TMEM170B: variants seen among roughly 807,000 people sequenced by gnomAD.
The protein encoded by TMEM170B is transmembrane protein 170B.
Under a neutral mutation model 13.0 loss-of-function variants are expected in TMEM170B, and 6 were observed. The ratio of observed to expected loss-of-function variants is 0.46; its 90% confidence interval spans 0.25 to 0.91. TMEM170B has a LOEUF of 0.91. Ranked by LOEUF, TMEM170B falls within the 40% of genes least tolerant of loss-of-function variation. The probability of loss-of-function intolerance (pLI) is 0.17; values close to 1 mark genes in which losing one functional copy is unlikely to be tolerated. For synonymous variants in TMEM170B, 61 were observed against 64.9 expected (o/e 0.94, Z 0.29); for missense variants, 138 against 165.2 (o/e 0.84, Z 0.90).
chr6:11,547,003 A>G (rs200094129), intron 1 of TMEM170B, among the ~76,000 whole-genome samples: 2 of 152,214 alleles, frequency 1.3e-5, no homozygotes, highest in Non-Finnish European at 2.9e-5. Context: ...CTCGCTCTCA[A>G]AATATTGTAT....
At chr6:11,573,441 A>T (rs1460784803) in intron 2 of TMEM170B, among the ~76,000 whole-genome samples, 1 of 152,160 alleles carries the variant, frequency 6.6e-6, no homozygotes, top group Non-Finnish European at 1.5e-5. Context: ...ACATACTAGG[A>T]TCGTCCACTG....
rs1759978113 is a variant in TMEM170B, at chr6:11,582,939, A to G, written c.*7378A>G. The stretch of plus-strand genomic sequence containing the variant: ...AAGGATTATTTTAAAAACTATGTTT[A>G]TATATAATACCTAACAAGCTGTAAA... On this transcript the variant is annotated 3_prime_UTR_variant, in exon 3 of 3. Transcript: ENST00000379426. The G allele has an allele frequency of 6.6e-6, 1 of 152,192 alleles. No individual in the cohort carries two copies. The highest frequency in any genetic ancestry group is 2.4e-5 in the African/African-American group (1 of 41,462). 9.4% of individuals were successfully genotyped at this position (152,192 alleles called of 1,614,324 possible). A position where few individuals can be genotyped will look rare whatever the true frequency, so the allele number is the denominator to read the frequency against.
chr6:11,538,409 G>T, intron 1 of TMEM170B, 35 bp downstream of exon 1: 2 of 1,421,626 alleles, frequency 1.4e-6, no homozygotes, highest in Non-Finnish European at 9.4e-7. Flanking sequence ...ACGGGGATGC[G>T]GTCCGCCCCT....
At chr6:11,572,170 C>T (rs1349006392) in intron 2 of TMEM170B, among the ~76,000 whole-genome samples, 1 of 152,112 alleles carries the variant, frequency 6.6e-6, no homozygotes, top group Non-Finnish European at 1.5e-5. Flanking sequence ...ACCCGTGGGT[C>T]ATGGAGAAAC....
chr6:11,539,233 T>C (rs1759327278), intron 1 of TMEM170B, among the ~76,000 whole-genome samples: 1 of 152,188 alleles, frequency 6.6e-6, no homozygotes, highest in African/African-American at 2.4e-5. Context: ...TTCTCTGAAG[T>C]AGAATTTACG....
At chr6:11,571,303 A>C (rs1175103870) in intron 2 of TMEM170B, among the ~76,000 whole-genome samples, 1 of 151,726 alleles carries the variant, frequency 6.6e-6, no homozygotes, top group East Asian at 1.9e-4. Context: ...CTCCCAACTC[A>C]GCCTCCTGAG....
At chr6:11,559,020 T>C (rs1235606441) in intron 1 of TMEM170B, among the ~76,000 whole-genome samples, 1 of 152,126 alleles carries the variant, frequency 6.6e-6, no homozygotes, top group Non-Finnish European at 1.5e-5. Context: ...TTTGGCTTCA[T>C]GGGCCATATA....
chr6:11,560,601 G>GA (rs1582143354), intron 1 of TMEM170B, among the ~76,000 whole-genome samples: 2 of 131,322 alleles, frequency 1.5e-5, no homozygotes, highest in African/African-American at 2.7e-5. Flanking sequence ...AAAAAAAAAT[G>GA]AAAAACTAAT....
chr6:11,573,960 T>C (rs980503024), intron 2 of TMEM170B, among the ~76,000 whole-genome samples: 1 of 152,216 alleles, frequency 6.6e-6, no homozygotes, highest in Non-Finnish European at 1.5e-5. Flanking sequence ...ATGTTGGTGC[T>C]ACTAGGAGTT....
chr6:11,557,871 G>T (rs1430688758), intron 1 of TMEM170B, among the ~76,000 whole-genome samples: 1 of 151,988 alleles, frequency 6.6e-6, no homozygotes, highest in South Asian at 2.1e-4. Context: ...ATTTATCTTT[G>T]TACTCTTTAA....
At chr6:11,564,779 T>A (rs1759713789) in intron 1 of TMEM170B, among the ~76,000 whole-genome samples, 1 of 152,210 alleles carries the variant, frequency 6.6e-6, no homozygotes, top group Admixed American at 6.5e-5. Context: ...TTCACAAATC[T>A]TGAGCCTTTC....
rs565413773 is a variant in TMEM170B, at chr6:11,576,937, G to A, written c.*1376G>A. ...GGCAATACGTAATTGTAAGAGTATA[G>A]GAAGTAGGGTTGAACTGGTCTCCTA... is the stretch of plus-strand genomic sequence containing the variant. On this transcript the variant is annotated 3_prime_UTR_variant, in exon 3 of 3. Transcript: ENST00000379426. 3 of 152,230 alleles carry A rather than the reference G, an allele frequency of 2.0e-5. No homozygotes were observed. Among genetic ancestry groups the A allele is most frequent in the African/African-American group, 7.2e-5 (3 of 41,554 alleles). The allele number at this position is 152,230 out of a possible 1,614,324, so 9.4% of individuals were successfully genotyped here. A position where few individuals can be genotyped will look rare whatever the true frequency, so the allele number is the denominator to read the frequency against.
chr6:11,556,502 C>A (rs1759589567), intron 1 of TMEM170B, among the ~76,000 whole-genome samples: 2 of 152,188 alleles, frequency 1.3e-5, no homozygotes, highest in South Asian at 4.1e-4. Flanking sequence ...ATGCTTGTTA[C>A]TTGCTGCTAG....
Position 11,554,686 on chromosome 6 carries a change from A to G in TMEM170B, c.98-10980A>G, listed in dbSNP as rs972982148. Among the ~76,000 whole-genome samples, 9 of 152,244 alleles carry G rather than the reference A, an allele frequency of 5.9e-5. No individual in the cohort carries two copies. In the East Asian group the frequency reaches 1.7e-3, roughly 29 times the overall value. The stretch of plus-strand genomic sequence containing the variant: ...TTGAAATTATATAATTAGCAAGCAA[A>G]AGGGTAATTTGGTTTAAGTGGCTAA... On this transcript the variant is annotated intron_variant, in intron 1 of 2. Transcript: ENST00000379426.
intron 1 of TMEM170B, among the ~76,000 whole-genome samples, chr6:11,544,947 ATG>A (rs923525988): frequency 6.6e-6 from 1 of 151,082 alleles, no homozygotes; most frequent in African/African-American, 2.4e-5. Context: ...CTACAATTAA[ATG>A]TTTTTTTTTT....
At chr6:11,572,867 T>C (rs1044299924) in intron 2 of TMEM170B, among the ~76,000 whole-genome samples, 1 of 152,174 alleles carries the variant, frequency 6.6e-6, no homozygotes, top group African/African-American at 2.4e-5. Context: ...TGTTTTATTT[T>C]CTTTGTTACC....
chr6:11,542,799 A>G (rs1437717499), intron 1 of TMEM170B, among the ~76,000 whole-genome samples: 1 of 152,224 alleles, frequency 6.6e-6, no homozygotes, highest in Non-Finnish European at 1.5e-5. Context: ...TCTGCTCAAA[A>G]GAGGCGAGTA....
intron 1 of TMEM170B, among the ~76,000 whole-genome samples, chr6:11,540,872 C>T (rs1759350652): frequency 6.6e-6 from 1 of 152,194 alleles, no homozygotes; most frequent in Non-Finnish European, 1.5e-5. Flanking sequence ...GTTGTGTTAG[C>T]AGTCATGAAA....
At chr6:11,565,973 A>G (rs1460566399) in intron 2 of TMEM170B, 137 bp downstream of exon 2, 2 of 755,926 alleles carry the variant, frequency 2.6e-6, no homozygotes, top group African/African-American at 1.7e-5. Flanking sequence ...CACTCCATCT[A>G]GAAGATAAAG....
Sources: allele counts gnomAD v4.1 joint callset (sites outside exome capture counted in the v4.1 genomes callset), GRCh38; gene constraint gnomAD v4.1.1; transcripts MANE v1.5; gene names NCBI Gene and HGNC (gene_info 2026-07-23, HGNC 2026-07-21).